The following SCHIP1 variants were observed in gnomAD, a reference collection of about 807,000 sequenced individuals.
The protein encoded by SCHIP1 is schwannomin-interacting protein 1.
In SCHIP1, 8 loss-of-function variants were observed where a neutral mutation model predicts 29.7. The ratio of observed to expected loss-of-function variants is 0.27; its 90% CI spans 0.16 to 0.49. The LOEUF (loss-of-function observed/expected upper bound fraction) is 0.49. Among genes scored for constraint, SCHIP1 ranks in the 20% least tolerant of loss-of-function variants. SCHIP1 has a pLI of 0.99. For synonymous variants in SCHIP1, 76 were observed against 94.9 expected, an observed-to-expected ratio of 0.80 and a Z score of 1.16; for missense variants, 193 against 294.6, an observed-to-expected ratio of 0.66 and a Z score of 2.52.
chr3:159,859,127 A>T (rs1213701699), intron 1 of SCHIP1, among the ~76,000 whole-genome samples: 1 of 152,256 alleles, frequency 6.6e-6, no homozygotes, highest in Non-Finnish European at 1.5e-5. Context: ...GGGATAAAAT[A>T]AGATTCAAGA....
the SCHIP1 span, among the ~76,000 whole-genome samples, chr3:159,511,195 C>T: frequency 2.6e-5 from 4 of 152,214 alleles, no homozygotes; most frequent in South Asian, 6.2e-4. Context: ...GCCTCGCTGC[C>T]GCCTTGCAGT....
the SCHIP1 span, among the ~76,000 whole-genome samples, chr3:159,367,384 CA>C: frequency 6.9e-6 from 1 of 144,694 alleles, no homozygotes. Context: ...GCAACAAGAC[CA>C]AAAACTCCAT....
chr3:159,834,575 T>A, the SCHIP1 span, among the ~76,000 whole-genome samples: 1 of 152,318 alleles, frequency 6.6e-6, no homozygotes, highest in Admixed American at 6.5e-5. Flanking sequence ...AGGTTTATTG[T>A]CTGTAGATGA....
the SCHIP1 span, among the ~76,000 whole-genome samples, chr3:159,566,038 TA>T: frequency 1.1e-4 from 16 of 152,224 alleles, no homozygotes; most frequent in African/African-American, 3.9e-4. Flanking sequence ...ATCTCCAAAG[TA>T]ATACATGTTC....
intron 2 of SCHIP1, among the ~76,000 whole-genome samples, chr3:159,878,109 C>T (rs1716027731): frequency 6.6e-6 from 1 of 152,254 alleles, no homozygotes; most frequent in East Asian, 1.9e-4. Flanking sequence ...CCATCAAACA[C>T]TGATCTGCTC....
the SCHIP1 span, among the ~76,000 whole-genome samples, chr3:159,474,294 A>G: frequency 1.3e-5 from 2 of 152,150 alleles, no homozygotes; most frequent in Non-Finnish European, 2.9e-5. Flanking sequence ...CCACGAACAT[A>G]TTAAGCAAAC....
the SCHIP1 span, among the ~76,000 whole-genome samples, chr3:159,382,813 A>G: frequency 1.3e-5 from 2 of 152,170 alleles, no homozygotes; most frequent in African/African-American, 2.4e-5. Context: ...CTGGTGTGAG[A>G]TGGTATCTCA....
At chr3:159,345,298 G>GA in the SCHIP1 span, among the ~76,000 whole-genome samples, 1 of 150,036 alleles carries the variant, frequency 6.7e-6, no homozygotes, top group Non-Finnish European at 1.5e-5. Flanking sequence ...CCAAATACTA[G>GA]AAAAAAAAAT....
chr3:159,301,154 A>G, the SCHIP1 span, among the ~76,000 whole-genome samples: 54 of 152,278 alleles, frequency 3.5e-4, no homozygotes, highest in East Asian at 5.0e-3. Context: ...TAATTAACAC[A>G]CTTAAGCCTC....
chr3:159,618,297 C>T, the SCHIP1 span, among the ~76,000 whole-genome samples: 1 of 152,166 alleles, frequency 6.6e-6, no homozygotes, highest in Non-Finnish European at 1.5e-5. Context: ...CACTCAAATT[C>T]TAACTTCTAA....
the SCHIP1 span, among the ~76,000 whole-genome samples, chr3:159,825,584 G>A: frequency 1.3e-5 from 2 of 152,262 alleles, no homozygotes; most frequent in East Asian, 3.9e-4. Context: ...TCGATCCCAA[G>A]GCCCTAAAGT....
chr3:159,810,795 T>C, the SCHIP1 span, among the ~76,000 whole-genome samples: 1 of 152,152 alleles, frequency 6.6e-6, no homozygotes, highest in East Asian at 1.9e-4. Flanking sequence ...TGTAGATGTA[T>C]GTTTCCATTT....
chr3:159,352,007 A>T, the SCHIP1 span, among the ~76,000 whole-genome samples: 1 of 152,218 alleles, frequency 6.6e-6, no homozygotes, highest in Non-Finnish European at 1.5e-5. Flanking sequence ...ATGCATTTTT[A>T]AAATTCTTAC....
At chr3:159,753,819 C>T in the SCHIP1 span, among the ~76,000 whole-genome samples, 4 of 152,300 alleles carry the variant, frequency 2.6e-5, no homozygotes, top group African/African-American at 7.2e-5. Flanking sequence ...GATTCCTTCC[C>T]GTTACTCCAA....
chr3:159,381,934 C>A, the SCHIP1 span, among the ~76,000 whole-genome samples: 3 of 152,068 alleles, frequency 2.0e-5, no homozygotes, highest in Non-Finnish European at 4.4e-5. Context: ...TTGAACAGGT[C>A]TCCTTGCTTC....
At chr3:159,616,030 C>T in the SCHIP1 span, among the ~76,000 whole-genome samples, 1 of 152,144 alleles carries the variant, frequency 6.6e-6, no homozygotes, top group Admixed American at 6.5e-5. Context: ...TCCTTCAAAC[C>T]TAGAGTTGCT....
At chr3:159,276,980 A>G in the SCHIP1 span, among the ~76,000 whole-genome samples, 2 of 152,124 alleles carry the variant, frequency 1.3e-5, no homozygotes, top group African/African-American at 2.4e-5. Flanking sequence ...CATCTCATCT[A>G]CACTTTTGGA....
the SCHIP1 span, among the ~76,000 whole-genome samples, chr3:159,402,365 C>T: frequency 3.3e-5 from 5 of 152,242 alleles, no homozygotes; most frequent in Non-Finnish European, 7.4e-5. Context: ...TTGTGGAAGT[C>T]GGTGTGGCGA....
At chr3:159,348,469 G>C in the SCHIP1 span, among the ~76,000 whole-genome samples, 1 of 152,108 alleles carries the variant, frequency 6.6e-6, no homozygotes, top group Non-Finnish European at 1.5e-5. Context: ...TGACATGGCT[G>C]TAATTTATCT....
Sources: gnomAD v4.1 joint callset for allele counts (sites outside exome capture counted in the v4.1 genomes callset) on GRCh38, gnomAD v4.1.1 for gene constraint, MANE v1.5 for transcripts, NCBI Gene and HGNC (gene_info 2026-07-23, HGNC 2026-07-21) for gene names.